Variants in AGPS observed in about 807,000 individuals in gnomAD.
AGPS encodes the protein alkylglycerone phosphate synthase.
Under a neutral mutation model 90.7 loss-of-function variants are expected in AGPS, and 26 were observed. The observed-to-expected ratio is 0.29, with a 90% confidence interval of 0.21 to 0.40. The LOEUF is 0.40. Ranked by LOEUF, AGPS falls within the 10% of genes least tolerant of loss-of-function variation. The pLI is 1.00. For missense variants in AGPS, 540 were observed against 816.1 expected, an observed-to-expected ratio of 0.66 and a Z score of 4.12; for synonymous variants, 294 against 285.3, an observed-to-expected ratio of 1.03 and a Z score of -0.31.
intron 14 of AGPS, among the ~76,000 whole-genome samples, chr2:177,504,742 T>G (rs191728188): frequency 6.6e-6 from 1 of 152,086 alleles, no homozygotes; most frequent in Admixed American, 6.6e-5. Flanking sequence ...TTGACTAAAG[T>G]TAAAATTTTA....
intron 12 of AGPS, among the ~76,000 whole-genome samples, chr2:177,495,955 A>G (rs1688402946): frequency 6.6e-6 from 1 of 151,528 alleles, no homozygotes; most frequent in Non-Finnish European, 1.5e-5. Flanking sequence ...CACAATAGCT[A>G]GAATATATTT....
chr2:177,408,980 G>T (rs1362996182), intron 1 of AGPS, among the ~76,000 whole-genome samples: 1 of 152,112 alleles, frequency 6.6e-6, no homozygotes, highest in African/African-American at 2.4e-5. Flanking sequence ...TTTAAAGTAA[G>T]TACCCAAGGT....
chr2:177,493,022 C>T (rs1574007728), intron 11 of AGPS, 126 bp from the exon 12 acceptor site: 1 of 807,870 alleles, frequency 1.2e-6, no homozygotes, highest in Admixed American at 2.7e-5. Context: ...AACTTTTTTT[C>T]CTCTGTAAAT....
Position 177,434,336 on chromosome 2 carries a change from T to C in AGPS, c.360T>C (p.Leu120=), listed in dbSNP as rs780475043. The C allele has an allele frequency of 6.8e-6, 11 of 1,610,640 alleles. No homozygotes were observed. The highest frequency in any genetic ancestry group is 9.3e-6 in the Non-Finnish European group (11 of 1,177,252). ...QIELTGKRYP[L]SGMGLPTFKE... Reference sequence around the variant, plus strand: ...TTTCTTTGTACCTTAGGTACCCTCTTAGTGGCATGGGTTTACCAACATTTA... The same window carrying C: ...TTTCTTTGTACCTTAGGTACCCTCTCAGTGGCATGGGTTTACCAACATTTA... Residue 120 remains leucine (L), a synonymous_variant, in exon 3 of 20, where the codon CTT becomes CTC. Coordinates refer to ENST00000264167, the MANE Select transcript of AGPS (RefSeq NM_003659.4).
In AGPS at chr2:177,442,484, A is replaced by T. The variant is rs754801743; in HGVS notation, c.787A>T (p.Met263Leu). 1 of 1,598,056 alleles carries T rather than the reference A, an allele frequency of 6.3e-7. No individual in the cohort carries two copies. The highest frequency in any genetic ancestry group is 8.6e-7 in the Non-Finnish European group (1 of 1,165,606). ...RTIISLDTSQMNRILWVDENN... is the reference protein window; with the variant it reads ...RTIISLDTSQLNRILWVDENN... ...AATTATTTCTTTGGACACTTCACAA[A>T]TGGTATTTAATAATTTGAGATATAT... is the stretch of plus-strand genomic sequence containing the variant. The change falls in exon 7 of 20, where the codon ATG becomes TTG. Residue 263 changes from methionine (M) to leucine (L), a missense_variant and splice_region_variant. Physicochemically the swap from Met to Leu is conservative, Grantham distance 15. Transcript: ENST00000264167.
intron 9 of AGPS, among the ~76,000 whole-genome samples, chr2:177,465,432 A>C (rs1420647965): frequency 2.0e-5 from 3 of 152,152 alleles, no homozygotes; most frequent in African/African-American, 7.2e-5. Context: ...CCTTTGCCCA[A>C]GTTTTGCTTG....
chr2:177,406,828 A>G (rs1685480076), intron 1 of AGPS, among the ~76,000 whole-genome samples: 2 of 152,320 alleles, frequency 1.3e-5, no homozygotes, highest in East Asian at 1.9e-4. Context: ...GCTTCAGCCA[A>G]TTTTATGCTG....
chr2:177,531,907 C>T (rs2079141393), intron 19 of AGPS, among the ~76,000 whole-genome samples: 1 of 149,792 alleles, frequency 6.7e-6, no homozygotes. Context: ...GCTTTTTCAA[C>T]AAATAGTACT....
In AGPS at chr2:177,419,555, A is replaced by G. The variant is rs188867686; in HGVS notation, c.261-714A>G. On this transcript the variant is annotated intron_variant, in intron 1 of 19. Transcript: ENST00000264167. ...ATGATGTGCAAAATTGAATGATTCA[A>G]CCATTGATTTTGATAAATAAGGATT... Among the ~76,000 whole-genome samples the G allele has an allele frequency of 1.9e-3, 283 of 152,044 alleles. 4 individuals are homozygous for G. The highest frequency in any genetic ancestry group is 1.2e-3 in the African/African-American group (49 of 41,574).
At chr2:177,464,216 C>T (rs1336101039) in intron 9 of AGPS, among the ~76,000 whole-genome samples, 1 of 152,220 alleles carries the variant, frequency 6.6e-6, no homozygotes, top group African/African-American at 2.4e-5. Flanking sequence ...GCTGGAATTA[C>T]AGGCATGAGC....
chr2:177,483,581 G>A (rs1688008041), intron 11 of AGPS, among the ~76,000 whole-genome samples: 1 of 152,136 alleles, frequency 6.6e-6, no homozygotes, highest in East Asian at 1.9e-4. Flanking sequence ...CTTGTGGCAA[G>A]TTACTTTGGT....
At chr2:177,406,378 T>C (rs1685467694) in intron 1 of AGPS, among the ~76,000 whole-genome samples, 1 of 152,206 alleles carries the variant, frequency 6.6e-6, no homozygotes, top group Non-Finnish European at 1.5e-5. Flanking sequence ...AAAGATATGA[T>C]GTAGCTGTAG....
At chr2:177,469,587 A>G (rs1258350889) in intron 10 of AGPS, among the ~76,000 whole-genome samples, 1 of 152,142 alleles carries the variant, frequency 6.6e-6, no homozygotes, top group Non-Finnish European at 1.5e-5. Context: ...AAACAAAACT[A>G]TATTTGTAAT....
chr2:177,393,264 A>G (rs1315477174), intron 1 of AGPS: 90 of 985,184 alleles, frequency 9.1e-5, no homozygotes, highest in Non-Finnish European at 1.0e-4. Flanking sequence ...TTTGGTCACT[A>G]TGTGAGGGTA....
intron 8 of AGPS, among the ~76,000 whole-genome samples, chr2:177,456,802 G>A (rs1400086027): frequency 6.6e-6 from 1 of 152,078 alleles, no homozygotes; most frequent in African/African-American, 2.4e-5. Flanking sequence ...AAATTAACAA[G>A]GATATTCAGG....
At chr2:177,439,671 A>G (rs1686537271) in intron 5 of AGPS, among the ~76,000 whole-genome samples, 1 of 152,158 alleles carries the variant, frequency 6.6e-6, no homozygotes, top group South Asian at 2.1e-4. Flanking sequence ...TGCTTTCATA[A>G]ATGGATATTC....
At chr2:177,534,333 A>G (rs2079164639) in intron 19 of AGPS, among the ~76,000 whole-genome samples, 1 of 152,074 alleles carries the variant, frequency 6.6e-6, no homozygotes, top group Non-Finnish European at 1.5e-5. Context: ...TTCTTTCTTG[A>G]ATCTCTTAGC....
At chr2:177,394,168 A>G (rs1685103914) in intron 1 of AGPS, among the ~76,000 whole-genome samples, 1 of 152,216 alleles carries the variant, frequency 6.6e-6, no homozygotes, top group East Asian at 1.9e-4. Context: ...CAAAATACAC[A>G]CTGTACCAGC....
intron 10 of AGPS, among the ~76,000 whole-genome samples, chr2:177,477,609 T>C (rs1687821012): frequency 6.6e-6 from 1 of 152,164 alleles, no homozygotes; most frequent in Non-Finnish European, 1.5e-5. Context: ...AAATCCCAAA[T>C]TGAAAACACA....
Sources: gnomAD v4.1 joint callset for allele counts (sites outside exome capture counted in the v4.1 genomes callset) on GRCh38, gnomAD v4.1.1 for gene constraint, MANE v1.5 for transcripts, NCBI Gene and HGNC (gene_info 2026-07-23, HGNC 2026-07-21) for gene names.